SLC35E1: variants seen among roughly 807,000 people sequenced by gnomAD.
The protein encoded by SLC35E1 is solute carrier family 35 member E1.
SLC35E1 carries 12 observed loss-of-function variants against 31.0 expected under a neutral mutation model. That is an observed-to-expected ratio of 0.39 (90% confidence interval 0.25 to 0.63). The LOEUF (loss-of-function observed/expected upper bound fraction) is 0.63. Among genes scored for constraint, SLC35E1 ranks in the 20% least tolerant of loss-of-function variants. The pLI is 0.52. For missense variants in SLC35E1, 429 were observed against 572.2 expected (o/e 0.75, Z 2.55); for synonymous variants, 257 against 264.1 (o/e 0.97, Z 0.26).
chr19:16,572,057 A>G lies in SLC35E1; in HGVS notation c.308T>C (p.Leu103Pro). Reference sequence around the variant, plus strand: ...GTAGCGCGGGTAGAAGCGCGGCGGCAGCAGCGGGCCGGACGACGGATGCGG... The same window carrying G: ...GTAGCGCGGGTAGAAGCGCGGCGGCGGCAGCGGGCCGGACGACGGATGCGG... ...PSPHPSSGPL[L>P]PPRFYPRYVL... The change falls in exon 1 of 6, where the codon CTG (leucine) becomes CCG (proline). Residue 103 changes from leucine to proline, a missense_variant. By Grantham distance (98) the Leu-to-Pro change is moderately conservative. Transcript: ENST00000595753. The surrounding 1 kb of genome is among the most constrained non-coding windows in gnomAD (Gnocchi z 4.1). 6.5e-7 allele frequency: 1 copy of G among 1,539,720 alleles called. No homozygotes were observed. The highest frequency in any genetic ancestry group is 8.8e-7 in the Non-Finnish European group (1 of 1,142,820).
At chr19:16,565,249 T>C (rs1350855304) in intron 4 of SLC35E1, 1 of 402,130 alleles carries the variant, frequency 2.5e-6, no homozygotes, top group African/African-American at 2.1e-5. Flanking sequence ...TCACACTTGT[T>C]GCCCAGGCTG....
chr19:16,555,299 G>A lies in SLC35E1; in HGVS notation c.855C>T (p.Leu285=), dbSNP rs200765517. Residue 285 remains leucine, a synonymous_variant, in exon 5 of 6, where the codon CTC becomes CTT. Coordinates refer to ENST00000595753, the MANE Select transcript of SLC35E1 (RefSeq NM_024881.5). The surrounding 1 kb of genome is among the most constrained non-coding windows in gnomAD (Gnocchi z 4.1). ...QNVIAFSILN[L]VSPLSYSVAN... is the part of the protein sequence containing the mutation. ...CGACCGAGTAGCTCAGGGGGCTAAC[G>A]AGGTTGAGGATGCTGAAGGCGATAA... The A allele has an allele frequency of 5.1e-5, 83 of 1,614,164 alleles. No individual in the cohort carries two copies. The highest frequency in any genetic ancestry group is 4.8e-5 in the Non-Finnish European group (57 of 1,180,034).
At position 16,567,842 on chromosome 19, in the gene SLC35E1, C is replaced by T. The variant is rs144345721; in HGVS notation, c.630+190G>A. ...GTGCTGGGATTATAGGCATGAGCCA[C>T]TGCGCCCGGCCAGAAAAACAAACTA... On this transcript the variant is annotated intron_variant, in intron 3 of 5. Coordinates refer to ENST00000595753, the MANE Select transcript of SLC35E1 (RefSeq NM_024881.5). Among the ~76,000 whole-genome samples, 23 of 152,348 alleles carry T rather than the reference C, an allele frequency of 1.5e-4. No individual in the cohort carries two copies. The East Asian group carries it at 4.4e-3, about 29-fold the overall frequency.
intron 5 of SLC35E1, among the ~76,000 whole-genome samples, 163 bp downstream of exon 5, chr19:16,554,989 G>A (rs1369051763): frequency 1.3e-5 from 2 of 152,130 alleles, no homozygotes; most frequent in Admixed American, 1.3e-4. Flanking sequence ...GCAGGAAAAA[G>A]GAAGCCAGAG....
Position 16,561,213 on chromosome 19 carries a change from CAAAAAAAA to C in SLC35E1, c.756+5311_756+5318del, listed in dbSNP as rs59176175. On this transcript the variant is annotated intron_variant, in intron 4 of 5. Coordinates refer to ENST00000595753, the MANE Select transcript of SLC35E1 (RefSeq NM_024881.5). ...TGGGCAACAGATCAAGACTCCATCT[CAAAAAAAA>C]AAAAAAAAAAAAAAAAAAAAAAGAA... Among the ~76,000 whole-genome samples, 239 of 24,748 alleles carry C rather than the reference CAAAAAAAA, an allele frequency of 9.7e-3. 1 individual carries two copies. Among genetic ancestry groups the C allele is most frequent in the Middle Eastern group, 0.038 (1 of 26 alleles). The allele number at this position is 24,748 out of a possible 152,430, so 16.2% of individuals were successfully genotyped here.
chr19:16,569,760 C>G (rs1406666524), intron 2 of SLC35E1, among the ~76,000 whole-genome samples: 1 of 152,202 alleles, frequency 6.6e-6, no homozygotes, highest in Non-Finnish European at 1.5e-5. Flanking sequence ...GCAAGAATCG[C>G]TTGAACCCAG....
chr19:16,553,615 T>C lies in SLC35E1; in HGVS notation c.*64A>G. On this transcript the variant is annotated 3_prime_UTR_variant, in exon 6 of 6. Transcript: ENST00000595753. ...TTGTACATTCACTGATTGTCAGAAG[T>C]TTCTGATACTGCTGTGGGGGCCGGG... 2 of 1,357,878 alleles carry C rather than the reference T, an allele frequency of 1.5e-6. No homozygotes were observed. The highest frequency in any genetic ancestry group is 2.0e-6 in the Non-Finnish European group (2 of 1,016,948). 84.1% of individuals were successfully genotyped at this position (1,357,878 alleles called of 1,614,324 possible).
chr19:16,562,193 CA>C (rs2085910007), intron 4 of SLC35E1, among the ~76,000 whole-genome samples: 1 of 152,058 alleles, frequency 6.6e-6, no homozygotes, highest in Admixed American at 6.6e-5. Context: ...AAAAACACAG[CA>C]AAAGCCTGTA....
intron 4 of SLC35E1, among the ~76,000 whole-genome samples, chr19:16,556,251 G>T (rs914976633): frequency 6.6e-6 from 1 of 151,928 alleles, no homozygotes. Flanking sequence ...GTTGGGCGTG[G>T]TGGCTCATGC....
chr19:16,569,191 A>G (rs1260741865), intron 2 of SLC35E1, among the ~76,000 whole-genome samples: 1 of 151,958 alleles, frequency 6.6e-6, no homozygotes, highest in African/African-American at 2.4e-5. Flanking sequence ...CGCCCAACTA[A>G]TTTTTGTATT....
chr19:16,551,559 G>C lies in SLC35E1; in HGVS notation c.*2120C>G, dbSNP rs1423640850. The C allele has an allele frequency of 6.6e-6, 1 of 152,090 alleles. No homozygotes were observed. Among genetic ancestry groups the C allele is most frequent in the Admixed American group, 6.6e-5 (1 of 15,240 alleles). 9.4% of individuals were successfully genotyped at this position (152,090 alleles called of 1,614,324 possible). On this transcript the variant is annotated 3_prime_UTR_variant, in exon 6 of 6. Coordinates refer to ENST00000595753, the MANE Select transcript of SLC35E1 (RefSeq NM_024881.5). ...TTCCCCTAAGTGCCAGCAAGAAGCT[G>C]GGTGTGGTGATGAAGAAAGAAGGCA...
rs2085933552 is a variant in SLC35E1 at position 16,566,568 on chromosome 19, C to G, written c.720G>C (p.Leu240=). 2 of 1,612,774 alleles carry G rather than the reference C, an allele frequency of 1.2e-6. No homozygotes were observed. Among genetic ancestry groups the G allele is most frequent in the East Asian group, 2.2e-5 (1 of 44,888 alleles). ...AVFFMIPTWV[L]VDLSAFLVSS... ...TGACCAGGAAAGCCGAGAGGTCCAC[C>G]AGAACCCAGGTGGGGATCATAAAGA... The change falls in exon 4 of 6, where the codon CTG becomes CTC. Residue 240 remains leucine (L), a synonymous_variant. Transcript: ENST00000595753.
At chr19:16,562,989 CAT>C (rs1394822486) in intron 4 of SLC35E1, among the ~76,000 whole-genome samples, 1 of 152,152 alleles carries the variant, frequency 6.6e-6, no homozygotes, top group African/African-American at 2.4e-5. Context: ...ACTGGGATTA[CAT>C]GTGTGAGGCA....
rs2085963692 is a variant in SLC35E1 at position 16,572,220 on chromosome 19, T to C, written c.145A>G (p.Lys49Glu). The stretch of plus-strand genomic sequence containing the variant: ...AACGGGAAGGCGCTCAGGATCACCT[T>C]GTTGACCACGTTGCCGCCCGCGCTC... ...ALSAGGNVVNKVILSAFPFPV... is the reference protein window; with the variant it reads ...ALSAGGNVVNEVILSAFPFPV... Residue 49 changes from lysine to glutamate, a missense_variant, in exon 1 of 6, where the codon AAG (lysine) becomes GAG (glutamate). By Grantham distance (56) the Lys-to-Glu change is moderately conservative. Coordinates refer to ENST00000595753, the MANE Select transcript of SLC35E1 (RefSeq NM_024881.5). The surrounding 1 kb of genome is among the most constrained non-coding windows in gnomAD (Gnocchi z 4.1). The C allele has an allele frequency of 1.3e-6, 2 of 1,527,850 alleles. No individual in the cohort carries two copies. Among genetic ancestry groups the C allele is most frequent in the Non-Finnish European group, 1.8e-6 (2 of 1,136,680 alleles). The allele number at this position is 1,527,850 out of a possible 1,614,324, so 94.6% of individuals were successfully genotyped here.
Position 16,571,519 on chromosome 19 carries a change from C to T in SLC35E1, c.485G>A (p.Ser162Asn), listed in dbSNP as rs889661925. ...LSRIIMKEKQ[S>N]TKVYLSLIPI... ...GTCCCTGCCCGGGGTTACCTTGGTG[C>T]TCTGCTTCTCCTTCATAATGATCCG... Residue 162 changes from serine to asparagine, a missense_variant, in exon 2 of 6, where the codon AGC becomes AAC. Physicochemically the swap from Ser to Asn is conservative, Grantham distance 46 (BLOSUM62 1). Transcript: ENST00000595753. The T allele has an allele frequency of 4.3e-6, 7 of 1,613,800 alleles. No homozygotes were observed. Among genetic ancestry groups the T allele is most frequent in the Non-Finnish European group, 5.9e-6 (7 of 1,179,916 alleles).
chr19:16,557,633 C>T (rs775783508), intron 4 of SLC35E1, among the ~76,000 whole-genome samples: 13 of 152,168 alleles, frequency 8.5e-5, no homozygotes, highest in African/African-American at 2.7e-4. Context: ...TGTCATGATC[C>T]GTGTGTCCTT....
intron 4 of SLC35E1, among the ~76,000 whole-genome samples, chr19:16,556,728 C>A (rs2085876751): frequency 6.6e-6 from 1 of 152,222 alleles, no homozygotes; most frequent in Non-Finnish European, 1.5e-5. Flanking sequence ...CACAGGAGGA[C>A]AGAGCTGGCT....
intron 2 of SLC35E1, among the ~76,000 whole-genome samples, chr19:16,570,340 G>A (rs2085951310): frequency 1.3e-5 from 2 of 152,026 alleles, no homozygotes; most frequent in African/African-American, 4.8e-5. Flanking sequence ...AAGACAGGCA[G>A]GAATAAAAAA....
intron 4 of SLC35E1, among the ~76,000 whole-genome samples, chr19:16,557,951 C>G (rs1433432739): frequency 1.3e-5 from 2 of 151,968 alleles, no homozygotes; most frequent in South Asian, 2.1e-4. Context: ...ATAGCTGGGA[C>G]TACAGGCGCC....
Sources: allele counts gnomAD v4.1 joint callset (sites outside exome capture counted in the v4.1 genomes callset), GRCh38; gene constraint gnomAD v4.1.1; non-coding constraint Gnocchi (gnomAD v3.1); transcripts MANE v1.5; gene names NCBI Gene and HGNC (gene_info 2026-07-23, HGNC 2026-07-21).